Variants in NRG3 observed in about 807,000 individuals in gnomAD.
NRG3 encodes the protein pro-neuregulin-3, membrane-bound isoform.
NRG3 carries 31 observed loss-of-function variants against 66.9 expected under a neutral mutation model. That is an observed-to-expected ratio of 0.46 (90% CI 0.35 to 0.63). The LOEUF (loss-of-function observed/expected upper bound fraction) is 0.63. Ranked by LOEUF, NRG3 falls within the 20% of genes least tolerant of loss-of-function variation. The pLI is 0.00. For missense variants in NRG3, 910 were observed against 878.9 expected (o/e 1.04, Z -0.45); for synonymous variants, 393 against 359.4 (o/e 1.09, Z -1.06).
chr10:82,072,787 G>A (rs867602009), intron 1 of NRG3, among the ~76,000 whole-genome samples: 4 of 151,452 alleles, frequency 2.6e-5, no homozygotes, highest in Non-Finnish European at 5.9e-5. Flanking sequence ...TTTTTTAAGA[G>A]ACAGGGTCTT....
intron 1 of NRG3, among the ~76,000 whole-genome samples, chr10:82,137,628 G>T (rs1339908899): frequency 6.6e-6 from 1 of 152,168 alleles, no homozygotes; most frequent in Non-Finnish European, 1.5e-5. Context: ...CAAGAAAACG[G>T]CATTTAGTGA....
intron 2 of NRG3, among the ~76,000 whole-genome samples, chr10:82,405,088 A>G (rs531716571): frequency 6.6e-6 from 1 of 152,100 alleles, no homozygotes. Flanking sequence ...CTCCAAAGGA[A>G]ATTGGGATGG....
intron 3 of NRG3, among the ~76,000 whole-genome samples, chr10:82,759,942 C>T (rs1431451247): frequency 3.3e-5 from 5 of 152,048 alleles, no homozygotes; most frequent in East Asian, 1.9e-4. Flanking sequence ...GTTCTGCATG[C>T]GTGAGTTGCT....
chr10:82,865,329 G>A, intron 3 of NRG3, 82 bp from the exon 4 acceptor site: 2 of 1,425,810 alleles, frequency 1.4e-6, no homozygotes. Flanking sequence ...AGTCTTATGA[G>A]CACTGATTTC....
chr10:82,066,367 G>T (rs573841032), intron 1 of NRG3, among the ~76,000 whole-genome samples: 1 of 151,764 alleles, frequency 6.6e-6, no homozygotes, highest in Middle Eastern at 3.4e-3. Context: ...CATATATTTT[G>T]TGTAAATGTA....
chr10:82,653,613 G>A (rs1381329061), intron 2 of NRG3, among the ~76,000 whole-genome samples: 1 of 151,724 alleles, frequency 6.6e-6, no homozygotes, highest in Non-Finnish European at 1.5e-5. Flanking sequence ...GATGAGAAAA[G>A]GGATCCATTC....
chr10:82,572,133 T>G (rs1393815893), intron 2 of NRG3, among the ~76,000 whole-genome samples: 1 of 151,774 alleles, frequency 6.6e-6, no homozygotes, highest in East Asian at 1.9e-4. Flanking sequence ...TTCTTCCTCC[T>G]TTTGTGGAAG....
At chr10:82,343,828 G>A (rs1333439622) in intron 1 of NRG3, among the ~76,000 whole-genome samples, 2 of 151,994 alleles carry the variant, frequency 1.3e-5, no homozygotes, top group Non-Finnish European at 1.5e-5. Flanking sequence ...TCTCCTCAGT[G>A]TTAATCCAGA....
At chr10:82,917,667 G>A (rs1845976511) in intron 4 of NRG3, among the ~76,000 whole-genome samples, 1 of 152,036 alleles carries the variant, frequency 6.6e-6, no homozygotes, top group Non-Finnish European at 1.5e-5. Context: ...TATTTCTGGT[G>A]TATTTTATAG....
intron 3 of NRG3, among the ~76,000 whole-genome samples, chr10:82,769,746 G>T (rs952095484): frequency 3.3e-5 from 5 of 152,030 alleles, no homozygotes; most frequent in Non-Finnish European, 5.9e-5. Context: ...CCTAAGTGTG[G>T]ATTTATGTAA....
intron 6 of NRG3, 28 bp downstream of exon 6, chr10:82,959,103 C>T: frequency 6.4e-7 from 1 of 1,553,788 alleles, no homozygotes; most frequent in Non-Finnish European, 8.6e-7. Flanking sequence ...ACACCTCCTC[C>T]TATAGCCTAC....
At chr10:82,399,000 A>G (rs1444066427) in intron 2 of NRG3, among the ~76,000 whole-genome samples, 3 of 152,212 alleles carry the variant, frequency 2.0e-5, no homozygotes, top group African/African-American at 7.2e-5. Context: ...AATATGCTTT[A>G]ACAACTTCTA....
chr10:81,970,244 T>G (rs2059882684), intron 1 of NRG3, among the ~76,000 whole-genome samples: 1 of 152,188 alleles, frequency 6.6e-6, no homozygotes, highest in South Asian at 2.1e-4. Context: ...TATAGCATAG[T>G]AAATGTGTAT....
chr10:82,727,175 A>G (rs1253305789), intron 2 of NRG3, among the ~76,000 whole-genome samples: 1 of 152,188 alleles, frequency 6.6e-6, no homozygotes, highest in Non-Finnish European at 1.5e-5. Flanking sequence ...AAGAAAATTC[A>G]ATTTTCTGAG....
intron 2 of NRG3, among the ~76,000 whole-genome samples, chr10:82,695,190 T>C (rs1319121393): frequency 2.0e-5 from 3 of 152,132 alleles, no homozygotes; most frequent in Non-Finnish European, 4.4e-5. Flanking sequence ...AGAATTTATG[T>C]GTATGTATTT....
intron 4 of NRG3, among the ~76,000 whole-genome samples, chr10:82,895,725 C>T (rs1041634191): frequency 6.6e-6 from 1 of 152,062 alleles, no homozygotes; most frequent in Admixed American, 6.5e-5. Flanking sequence ...CTCCTCACCT[C>T]GTGATCCGCC....
chr10:82,958,523 G>T (rs1331920134), intron 5 of NRG3, among the ~76,000 whole-genome samples: 1 of 152,178 alleles, frequency 6.6e-6, no homozygotes, highest in Non-Finnish European at 1.5e-5. Context: ...GTGCAATTAA[G>T]CTAAACATAT....
intron 1 of NRG3, among the ~76,000 whole-genome samples, chr10:82,290,026 A>G (rs940913272): frequency 2.6e-5 from 4 of 152,210 alleles, no homozygotes; most frequent in Admixed American, 6.5e-5. Flanking sequence ...ATCACTCAAA[A>G]TGGATTTGCC....
intron 1 of NRG3, among the ~76,000 whole-genome samples, chr10:82,255,452 G>A (rs768030364): frequency 4.7e-4 from 71 of 152,102 alleles, no homozygotes; most frequent in Non-Finnish European, 8.7e-4. Flanking sequence ...CATTCACAGT[G>A]GGAAATACAC....
Sources: gnomAD v4.1 joint callset for allele counts (sites outside exome capture counted in the v4.1 genomes callset) on GRCh38, gnomAD v4.1.1 for gene constraint, MANE v1.5 for transcripts, NCBI Gene and HGNC (gene_info 2026-07-23, HGNC 2026-07-21) for gene names.